NFKB1: variants seen among roughly 807,000 people sequenced by gnomAD.
The protein encoded by NFKB1 is nuclear factor kappa B subunit 1, also known as nuclear factor NF-kappa-B p105 subunit.
Under a neutral mutation model 105.1 loss-of-function variants are expected in NFKB1, and 9 were observed. The observed-to-expected ratio is 0.09, with a 90% CI of 0.05 to 0.15. The LOEUF (loss-of-function observed/expected upper bound fraction) is 0.15. NFKB1 is among the 10% of genes least tolerant of loss of function. NFKB1 has a pLI of 1.00. For synonymous variants in NFKB1, 440 were observed against 442.2 expected, an observed-to-expected ratio of 1.00 and a Z score of 0.06; for missense variants, 830 against 1,203.7, an observed-to-expected ratio of 0.69 and a Z score of 4.59.
chr4:102,504,236 A>G (rs999991361), intron 1 of NFKB1, among the ~76,000 whole-genome samples: 4 of 152,178 alleles, frequency 2.6e-5, no homozygotes, highest in African/African-American at 9.7e-5. Context: ...GTCTTAGTAG[A>G]TGTGCTATTC....
At position 102,613,507 on chromosome 4, in the gene NFKB1, C is replaced by T; in HGVS notation, c.2675C>T (p.Ala892Val). 1 of 1,613,984 alleles carries T rather than the reference C, an allele frequency of 6.2e-7. No individual in the cohort carries two copies. ...YTEAIEVIQA[A>V]SSPVKTTSQA... ...GAAGCAATTGAAGTGATCCAGGCAG[C>T]CTCCAGCCCAGTGAAGACCACCTCT... Residue 892 changes from alanine (A) to valine (V), a missense_variant, in exon 23 of 24, where the codon GCC (alanine) becomes GTC (valine). By Grantham distance (64) the Ala-to-Val change is moderately conservative (BLOSUM62 0). This residue lies in a region of NFKB1 where 418 missense variants were observed against 575.3 expected (regional missense o/e 0.73). Coordinates refer to ENST00000226574, the MANE Select transcript of NFKB1 (RefSeq NM_003998.4).
chr4:102,517,525 C>T (rs1740272983), intron 1 of NFKB1, among the ~76,000 whole-genome samples: 1 of 152,132 alleles, frequency 6.6e-6, no homozygotes, highest in African/African-American at 2.4e-5. Flanking sequence ...GCAAAACTCC[C>T]ATCTCTACTT....
chr4:102,526,051 C>T (rs1237995782), intron 2 of NFKB1, among the ~76,000 whole-genome samples: 2 of 152,092 alleles, frequency 1.3e-5, no homozygotes, highest in African/African-American at 2.4e-5. Context: ...CGCTTCTTCC[C>T]GGCGTGTCTC....
At position 102,612,117 on chromosome 4, in the gene NFKB1, T is replaced by C; in HGVS notation, c.2419+7T>C. ...GATGATTTACTAGCACAAGGTGGGTTGTGATAAAACCAGATTCTCTTAACC... is the reference window on the plus strand; with the variant it reads ...GATGATTTACTAGCACAAGGTGGGTCGTGATAAAACCAGATTCTCTTAACC... On this transcript the variant is annotated splice_region_variant and intron_variant, in intron 21 of 23. Transcript: ENST00000226574. 1 of 1,612,878 alleles carries C rather than the reference T, an allele frequency of 6.2e-7. No individual in the cohort carries two copies. Among genetic ancestry groups the C allele is most frequent in the Non-Finnish European group, 8.5e-7 (1 of 1,178,976 alleles).
intron 11 of NFKB1, among the ~76,000 whole-genome samples, chr4:102,588,169 T>TA (rs1725869577): frequency 6.6e-6 from 1 of 152,204 alleles, no homozygotes; most frequent in East Asian, 1.9e-4. Context: ...GCTCATTAAA[T>TA]ATCTGTGGAC....
chr4:102,552,886 T>G (rs1032531223), intron 5 of NFKB1, among the ~76,000 whole-genome samples: 1 of 152,174 alleles, frequency 6.6e-6, no homozygotes, highest in Non-Finnish European at 1.5e-5. Context: ...TCATAGTACG[T>G]AGATGGTACA....
chr4:102,610,310 G>A (rs1217044907), intron 19 of NFKB1, among the ~76,000 whole-genome samples: 1 of 152,260 alleles, frequency 6.6e-6, no homozygotes, highest in Non-Finnish European at 1.5e-5. Context: ...AGAGTTAAAT[G>A]TGAAAGAGTA....
chr4:102,539,890 G>A (rs1741888243), intron 5 of NFKB1, among the ~76,000 whole-genome samples: 1 of 152,152 alleles, frequency 6.6e-6, no homozygotes, highest in South Asian at 2.1e-4. Flanking sequence ...AGACAATGGT[G>A]TAAAAAGGCA....
chr4:102,578,812 T>C, intron 7 of NFKB1, 69 bp from the exon 8 acceptor site: 1 of 1,520,942 alleles, frequency 6.6e-7, no homozygotes, highest in East Asian at 2.3e-5. Flanking sequence ...ATTTGGGCTT[T>C]ATAAAAGCAT....
chr4:102,571,490 A>C lies in NFKB1; in HGVS notation c.407+4355A>C, dbSNP rs536318439. On this transcript the variant is annotated intron_variant, in intron 6 of 23. Coordinates refer to ENST00000226574, the MANE Select transcript of NFKB1 (RefSeq NM_003998.4). The stretch of plus-strand genomic sequence containing the variant: ...AAGCCAAAATTGACAAATGGGATCT[A>C]ATTAAACTAAAGAGCTTCTCCGCAG... Among the ~76,000 whole-genome samples, 21 of 152,356 alleles carry C rather than the reference A, an allele frequency of 1.4e-4. No homozygotes were observed. The South Asian group carries it at 3.5e-3, about 26-fold the overall frequency.
At chr4:102,585,179 C>T (rs1379323939) in intron 11 of NFKB1, among the ~76,000 whole-genome samples, 1 of 152,110 alleles carries the variant, frequency 6.6e-6, no homozygotes, top group Non-Finnish European at 1.5e-5. Context: ...CTTGAGCTGC[C>T]ATGTCTTGCC....
At chr4:102,543,158 G>A (rs1902849) in intron 5 of NFKB1, among the ~76,000 whole-genome samples, 11 of 152,038 alleles carry the variant, frequency 7.2e-5, no homozygotes, top group South Asian at 2.1e-4. Context: ...TATTTTTCCC[G>A]AAAGCCACGC....
At chr4:102,590,917 G>C (rs1346196960) in intron 11 of NFKB1, among the ~76,000 whole-genome samples, 2 of 152,148 alleles carry the variant, frequency 1.3e-5, no homozygotes, top group Non-Finnish European at 2.9e-5. Context: ...TTAGTGGTCT[G>C]AGTAGAAGAT....
rs1270690992 is a variant in NFKB1, at chr4:102,501,500, C to T, written c.-296C>T. The T allele has an allele frequency of 6.7e-6, 1 of 149,684 alleles. No homozygotes were observed. Among genetic ancestry groups the T allele is most frequent in the East Asian group, 1.9e-4 (1 of 5,166 alleles). The allele number at this position is 149,684 out of a possible 1,614,324, so 9.3% of individuals were successfully genotyped here. On this transcript the variant is annotated 5_prime_UTR_variant, in exon 1 of 24. Transcript: ENST00000226574. ...CTCGGCCTGCACGCAGCCACCGGCCCCGCTCCCGGAGCCCAGCGCCGCCGA... is the reference window on the plus strand; with the variant it reads ...CTCGGCCTGCACGCAGCCACCGGCCTCGCTCCCGGAGCCCAGCGCCGCCGA...
Position 102,571,178 on chromosome 4 carries a change from C to T in NFKB1, c.407+4043C>T, listed in dbSNP as rs531017443. Among the ~76,000 whole-genome samples, 75 of 152,198 alleles carry T rather than the reference C, an allele frequency of 4.9e-4. No homozygotes were observed. In the South Asian group the frequency reaches 0.011, roughly 21 times the overall value. On this transcript the variant is annotated intron_variant, in intron 6 of 23. Transcript: ENST00000226574. Reference sequence around the variant, plus strand: ...AGAACAGAGCCCTCAGAAATAATACCGTACATCTACAACTATCTGATCTTT... The same window carrying T: ...AGAACAGAGCCCTCAGAAATAATACTGTACATCTACAACTATCTGATCTTT...
At chr4:102,509,751 A>G (rs995506140) in intron 1 of NFKB1, among the ~76,000 whole-genome samples, 3 of 152,160 alleles carry the variant, frequency 2.0e-5, no homozygotes, top group African/African-American at 7.2e-5. Flanking sequence ...TTTCTTCTTC[A>G]GTCAGTCACC....
At chr4:102,535,627 C>A (rs1741586244) in intron 4 of NFKB1, among the ~76,000 whole-genome samples, 1 of 152,128 alleles carries the variant, frequency 6.6e-6, no homozygotes, top group Non-Finnish European at 1.5e-5. Flanking sequence ...AAATTTTGAT[C>A]TCAGAAATTT....
intron 1 of NFKB1, among the ~76,000 whole-genome samples, chr4:102,508,960 T>G (rs1015631594): frequency 1.3e-5 from 2 of 152,194 alleles, no homozygotes; most frequent in African/African-American, 2.4e-5. Flanking sequence ...AGGGTCATAA[T>G]GAAAGAAGTA....
intron 7 of NFKB1, 149 bp downstream of exon 7, chr4:102,577,188 T>C: frequency 2.6e-6 from 2 of 777,738 alleles, no homozygotes; most frequent in Non-Finnish European, 4.0e-6. Context: ...GATGGCATCC[T>C]GCTACTTCTA....
Sources: allele counts gnomAD v4.1 joint callset (sites outside exome capture counted in the v4.1 genomes callset), GRCh38; gene constraint gnomAD v4.1.1; regional missense constraint gnomAD v4.1.1; transcripts MANE v1.5; gene names NCBI Gene and HGNC (gene_info 2026-07-23, HGNC 2026-07-21).